The following WNK1 variants were observed in gnomAD, a reference collection of about 807,000 sequenced individuals.
WNK1 encodes WNK lysine deficient protein kinase 1.
A neutral mutation model predicts 222.8 loss-of-function variants in WNK1; 38 were observed. That is an observed-to-expected ratio of 0.17 (90% CI 0.13 to 0.22). The LOEUF (loss-of-function observed/expected upper bound fraction) is 0.22, where lower values mean the gene tolerates loss of function less well. Ranked by LOEUF, WNK1 falls within the 10% of genes least tolerant of loss-of-function variation. The pLI is 1.00. For missense variants in WNK1, 2,348 were observed against 2,918.4 expected, an observed-to-expected ratio of 0.80 and a Z score of 4.50; for synonymous variants, 1,090 against 1,092.9, an observed-to-expected ratio of 1.00 and a Z score of 0.05.
At chr12:801,495 A>G (rs1389989012) in intron 1 of WNK1, among the ~76,000 whole-genome samples, 1 of 146,172 alleles carries the variant, frequency 6.8e-6, no homozygotes, top group Non-Finnish European at 1.5e-5. Flanking sequence ...TGCAGCCTCA[A>G]CCTCCTGGGC....
rs1349034501 is a variant in WNK1, at chr12:763,890, G to GT, written c.759+9574dup. On this transcript the variant is annotated intron_variant, in intron 1 of 27. Transcript: ENST00000315939. ...GTCAACTGAGAGAGAAAAATCAAAGGTTTTTTTTAAGTTTTAAGGTTTTTT... is the reference window on the plus strand; with the variant it reads ...GTCAACTGAGAGAGAAAAATCAAAGGTTTTTTTTTAAGTTTTAAGGTTTTTT... Among the ~76,000 whole-genome samples, 12 of 147,096 alleles carry GT rather than the reference G, an allele frequency of 8.2e-5. 1 individual carries two copies. The highest frequency in any genetic ancestry group is 9.7e-5 in the African/African-American group (4 of 41,106).
intron 5 of WNK1, among the ~76,000 whole-genome samples, chr12:858,779 A>G (rs17800810): frequency 0.13 from 19,120 of 152,124 alleles, 1,484 homozygotes; most frequent in Middle Eastern, 0.2. Flanking sequence ...AGATGATATC[A>G]AATTGGGTGT....
At chr12:844,178 C>T (rs967512702) in intron 4 of WNK1, among the ~76,000 whole-genome samples, 1 of 151,788 alleles carries the variant, frequency 6.6e-6, no homozygotes, top group Non-Finnish European at 1.5e-5. Flanking sequence ...GTCGCCCAGG[C>T]TGGAGTGCAG....
chr12:869,953 A>G (rs1451431373), intron 8 of WNK1, among the ~76,000 whole-genome samples: 2 of 152,186 alleles, frequency 1.3e-5, no homozygotes, highest in Non-Finnish European at 2.9e-5. Flanking sequence ...AATAAAGACA[A>G]TGTAATGAAT....
At chr12:853,417 C>T (rs1950545484) in intron 4 of WNK1, among the ~76,000 whole-genome samples, 1 of 152,102 alleles carries the variant, frequency 6.6e-6, no homozygotes, top group South Asian at 2.1e-4. Context: ...GATTTTCCTT[C>T]CTTTATTATC....
intron 1 of WNK1, among the ~76,000 whole-genome samples, chr12:758,715 T>A (rs1394887390): frequency 6.8e-6 from 1 of 147,456 alleles, no homozygotes; most frequent in Non-Finnish European, 1.5e-5. Flanking sequence ...TTTTTTAGGA[T>A]GAGAATCAGC....
rs187880767 is a variant in WNK1, at chr12:818,235, T to C, written c.932+4421T>C. On this transcript the variant is annotated intron_variant, in intron 2 of 27. Transcript: ENST00000315939. ...TTTAATTGCACATTATCTAAGTTCT[T>C]TTTCTTTTTACAATTAAAAAGAAAT... 2.0e-5 allele frequency among the ~76,000 whole-genome samples: 3 copies of C among 152,312 alleles called. No homozygotes were observed. In the East Asian group the frequency reaches 5.8e-4, roughly 29 times the overall value.
chr12:812,099 A>G (rs2154007962), intron 1 of WNK1, among the ~76,000 whole-genome samples: 1 of 152,296 alleles, frequency 6.6e-6, no homozygotes, highest in East Asian at 1.9e-4. Flanking sequence ...TGCTATAAAT[A>G]AGTAGTTGGC....
At chr12:754,460 G>A in intron 1 of WNK1, 136 bp downstream of exon 1, 1 of 1,068,492 alleles carries the variant, frequency 9.4e-7, no homozygotes, top group South Asian at 1.3e-5. Context: ...ACTTTTGAAA[G>A]GGGCTGAAAT....
intron 1 of WNK1, among the ~76,000 whole-genome samples, chr12:803,803 A>T (rs902374419): frequency 2.0e-5 from 3 of 152,164 alleles, no homozygotes; most frequent in Non-Finnish European, 2.9e-5. Flanking sequence ...TCAGAGGGAC[A>T]TATATATATT....
rs1182484292 is a variant in WNK1 at position 909,842 on chromosome 12, T to TTAAG, written c.*1052_*1055dup. 6.6e-6 allele frequency: 1 copy of TTAAG among 152,218 alleles called. No individual in the cohort carries two copies. Among genetic ancestry groups the TTAAG allele is most frequent in the African/African-American group, 2.4e-5 (1 of 41,452 alleles). 9.4% of individuals were successfully genotyped at this position (152,218 alleles called of 1,614,324 possible). A position where few individuals can be genotyped will look rare whatever the true frequency, so the allele number is the denominator to read the frequency against. ...AAAGGGAAATTGAAAAAGTATTTTT[T>TTAAG]TAAGTCATTCAACAACTTTGTCTAG... On this transcript the variant is annotated 3_prime_UTR_variant, in exon 28 of 28. Coordinates refer to ENST00000315939, the MANE Select transcript of WNK1 (RefSeq NM_018979.4).
intron 26 of WNK1, among the ~76,000 whole-genome samples, chr12:904,931 G>A (rs1183503749): frequency 6.6e-6 from 1 of 152,204 alleles, no homozygotes; most frequent in Non-Finnish European, 1.5e-5. Context: ...TCTAGAGTTT[G>A]TCTTCTTAGA....
At chr12:856,058 T>C (rs940115124) in intron 4 of WNK1, among the ~76,000 whole-genome samples, 2 of 151,782 alleles carry the variant, frequency 1.3e-5, no homozygotes, top group African/African-American at 4.8e-5. Context: ...CAGGATGGTC[T>C]CGATCTCTTG....
At chr12:857,404 T>C (rs1383663869) in intron 5 of WNK1, among the ~76,000 whole-genome samples, 155 bp downstream of exon 5, 1 of 152,238 alleles carries the variant, frequency 6.6e-6, no homozygotes, top group Non-Finnish European at 1.5e-5. Context: ...TTGTTCATTG[T>C]GGTTATTCAG....
Position 827,541 on chromosome 12 carries a change from G to A in WNK1, c.1153+279G>A, listed in dbSNP as rs978260586. On this transcript the variant is annotated intron_variant, in intron 3 of 27. Transcript: ENST00000315939. The surrounding 1 kb of genome is among the most constrained non-coding windows in gnomAD (Gnocchi z 4.6). ...CTTTTTTGTTGTTGTTGTTGTTGTT[G>A]TTGTTGAGATGGAGTCTCTCTCTGT... The A allele has an allele frequency of 4.2e-5, 22 of 521,434 alleles. No individual in the cohort carries two copies. The highest frequency in any genetic ancestry group is 6.5e-5 in the Non-Finnish European group (19 of 292,852). 32.3% of individuals were successfully genotyped at this position (521,434 alleles called of 1,614,324 possible).
In WNK1 at chr12:883,844, T is replaced by C; in HGVS notation, c.3721+13T>C. 1.2e-6 allele frequency: 2 copies of C among 1,613,462 alleles called. No individual in the cohort carries two copies. Among genetic ancestry groups the C allele is most frequent in the South Asian group, 1.1e-5 (1 of 91,072 alleles). ...CCACAGCAAATAGGTGAATTTATTT[T>C]CTTTCCTTGTTTTTACCTTTGACTT... On this transcript the variant is annotated intron_variant, in intron 17 of 27. Coordinates refer to ENST00000315939, the MANE Select transcript of WNK1 (RefSeq NM_018979.4).
At chr12:883,280 T>G (rs1387851430) in intron 15 of WNK1, 115 bp from the exon 16 acceptor site, 1 of 1,280,040 alleles carries the variant, frequency 7.8e-7, no homozygotes, top group African/African-American at 1.5e-5. Flanking sequence ...AGAGCTAACT[T>G]GAGTACAAAA....
At chr12:857,708 G>A (rs1026317995) in intron 5 of WNK1, among the ~76,000 whole-genome samples, 1 of 152,318 alleles carries the variant, frequency 6.6e-6, no homozygotes, top group East Asian at 1.9e-4. Context: ...AAAATTCCTT[G>A]AGTAAAAAGA....
chr12:894,671 C>T lies in WNK1; in HGVS notation c.5583+36C>T, dbSNP rs2301880. 0.24 allele frequency: 384,850 copies of T among 1,586,762 alleles called. 47,262 individuals are homozygous for T. The highest frequency in any genetic ancestry group is 0.32 in the Middle Eastern group (1,917 of 6,010). On this transcript the variant is annotated intron_variant, in intron 23 of 27. Coordinates refer to ENST00000315939, the MANE Select transcript of WNK1 (RefSeq NM_018979.4). ...CACTTTGTGTTGCCTTGATTCCTTC[C>T]TTTGGAGGAGTTGTCTATATAATAA...
Sources: allele counts gnomAD v4.1 joint callset (sites outside exome capture counted in the v4.1 genomes callset), GRCh38; gene constraint gnomAD v4.1.1; non-coding constraint Gnocchi (gnomAD v3.1); transcripts MANE v1.5; gene names NCBI Gene and HGNC (gene_info 2026-07-23, HGNC 2026-07-21).